NAV3: variants seen among roughly 807,000 people sequenced by gnomAD.
NAV3 encodes the protein neuron navigator 3.
A neutral mutation model predicts 244.7 loss-of-function variants in NAV3; 87 were observed. The observed-to-expected ratio is 0.36, with a 90% confidence interval of 0.30 to 0.42. The LOEUF (loss-of-function observed/expected upper bound fraction) is 0.42, where lower values mean the gene tolerates loss of function less well. Among genes scored for constraint, NAV3 ranks in the 20% least tolerant of loss-of-function variants. NAV3 has a pLI of 1.00. For missense variants in NAV3, 2,663 were observed against 2,893.3 expected (o/e 0.92, Z 1.83); for synonymous variants, 1,126 against 1,042.2 (o/e 1.08, Z -1.55).
At chr12:78,048,317 CT>C (rs1221291411) in intron 9 of NAV3, among the ~76,000 whole-genome samples, 1 of 152,144 alleles carries the variant, frequency 6.6e-6, no homozygotes, top group Non-Finnish European at 1.5e-5. Flanking sequence ...AATTTTCAGC[CT>C]TTTTGCACTG....
intron 30 of NAV3, 45 bp downstream of exon 30, chr12:78,181,090 G>C (rs755296909): frequency 1.8e-5 from 28 of 1,569,144 alleles, no homozygotes; most frequent in Middle Eastern, 3.4e-4. Context: ...ATACCCATGA[G>C]TTAACGGGTG....
chr12:77,676,854 G>A (rs1306545875), intron 2 of NAV3, among the ~76,000 whole-genome samples: 1 of 152,134 alleles, frequency 6.6e-6, no homozygotes, highest in African/African-American at 2.4e-5. Flanking sequence ...CTATTTATGA[G>A]GGAAAGTTAA....
rs1325858291 is a variant in NAV3 at position 78,116,802 on chromosome 12, T to C, written c.2667T>C (p.Gly889=). The C allele has an allele frequency of 6.2e-7, 1 of 1,605,958 alleles. No individual in the cohort carries two copies. Among genetic ancestry groups the C allele is most frequent in the Admixed American group, 1.7e-5 (1 of 59,650 alleles). ...ATGACAGCAGTTCAGTGAGCAGTGG[T>C]CTCAGTGACACCCTTGATAACATCA... ...SWDDSSSVSS[G]LSDTLDNIST... Residue 889 remains glycine, a synonymous_variant, in exon 13 of 40, where the codon GGT becomes GGC. Coordinates refer to ENST00000397909, the MANE Select transcript of NAV3 (RefSeq NM_001024383.2).
At chr12:78,152,078 C>T (rs1014067609) in intron 22 of NAV3, among the ~76,000 whole-genome samples, 2 of 151,450 alleles carry the variant, frequency 1.3e-5, no homozygotes, top group African/African-American at 4.8e-5. Flanking sequence ...GAGTTTCAAC[C>T]TTAATCCTCT....
rs148521910 is a variant in NAV3 at position 77,886,768 on chromosome 12, G to A, written c.244-53551G>A. ...TTTTCTTACATAAATATCTAGAACAGTGCCTATCAATAAATAATCATTGAG... is the reference window on the plus strand; with the variant it reads ...TTTTCTTACATAAATATCTAGAACAATGCCTATCAATAAATAATCATTGAG... On this transcript the variant is annotated intron_variant, in intron 1 of 39. Coordinates refer to ENST00000397909, the MANE Select transcript of NAV3 (RefSeq NM_001024383.2). 3.2e-3 allele frequency among the ~76,000 whole-genome samples: 489 copies of A among 152,132 alleles called. 3 individuals carry two copies. Among genetic ancestry groups the A allele is most frequent in the African/African-American group, 0.011 (470 of 41,516 alleles).
chr12:77,739,523 C>T (rs1179287182), intron 2 of NAV3, among the ~76,000 whole-genome samples: 1 of 152,042 alleles, frequency 6.6e-6, no homozygotes, highest in African/African-American at 2.4e-5. Context: ...CATTCATTGA[C>T]TCTGACTGAA....
intron 2 of NAV3, among the ~76,000 whole-genome samples, chr12:77,736,897 G>A (rs1877358844): frequency 6.6e-6 from 1 of 152,148 alleles, no homozygotes; most frequent in Non-Finnish European, 1.5e-5. Context: ...GTGGAGAATG[G>A]ATTTCAGAAC....
intron 9 of NAV3, among the ~76,000 whole-genome samples, chr12:78,024,357 C>T (rs1180941507): frequency 6.6e-6 from 1 of 152,164 alleles, no homozygotes; most frequent in East Asian, 1.9e-4. Context: ...ACATATATGA[C>T]CTCCAACCTC....
At chr12:77,996,163 G>A (rs538278348) in intron 6 of NAV3, among the ~76,000 whole-genome samples, 45 of 152,288 alleles carry the variant, frequency 3.0e-4, no homozygotes, top group African/African-American at 1.0e-3. Context: ...CAAGTTTTGT[G>A]ATAAAATTTG....
chr12:77,698,278 C>T (rs184157943), intron 2 of NAV3, among the ~76,000 whole-genome samples: 7 of 152,164 alleles, frequency 4.6e-5, no homozygotes, highest in African/African-American at 1.7e-4. Flanking sequence ...CTTTGGGAGG[C>T]CCAGTTGAGT....
chr12:78,059,027 A>T lies in NAV3; in HGVS notation c.2548A>T (p.Thr850Ser), dbSNP rs1169895826. The change falls in exon 12 of 40, where the codon ACT becomes TCT. Residue 850 changes from threonine to serine, a missense_variant. Physicochemically the swap from Thr to Ser is moderately conservative, Grantham distance 58. Around this residue, in one of 6 missense-constraint regions of NAV3, gnomAD observed 1,521 missense variants for 1,497.0 expected, o/e 1.02. Coordinates refer to ENST00000397909, the MANE Select transcript of NAV3 (RefSeq NM_001024383.2). ...YMTDGGLNLY[T>S]RSLNRIPDTA... is the part of the protein sequence containing the mutation. ...GACAGATGGAGGACTTAACCTATATACTAGAAGTCTGAACCGAATACCAGA... is the reference window on the plus strand; with the variant it reads ...GACAGATGGAGGACTTAACCTATATTCTAGAAGTCTGAACCGAATACCAGA... The T allele has an allele frequency of 6.2e-7, 1 of 1,609,864 alleles. No homozygotes were observed. Among genetic ancestry groups the T allele is most frequent in the East Asian group, 2.2e-5 (1 of 44,572 alleles).
intron 3 of NAV3, among the ~76,000 whole-genome samples, chr12:77,953,684 A>C (rs1189302826): frequency 6.6e-6 from 1 of 152,150 alleles, no homozygotes; most frequent in Non-Finnish European, 1.5e-5. Context: ...GTTCCTTTGC[A>C]ATGACACAGG....
intron 2 of NAV3, among the ~76,000 whole-genome samples, chr12:77,637,349 A>G (rs1872203906): frequency 6.6e-6 from 1 of 152,164 alleles, no homozygotes; most frequent in Admixed American, 6.5e-5. Flanking sequence ...TTATAGTATT[A>G]GGGGAAAATA....
chr12:77,731,371 C>T (rs1481756960), intron 2 of NAV3, among the ~76,000 whole-genome samples: 9 of 151,930 alleles, frequency 5.9e-5, no homozygotes, highest in Admixed American at 5.3e-4. Flanking sequence ...GAAAATTGTG[C>T]AGTTTTCTTG....
Position 77,647,877 on chromosome 12 carries a change from G to A in NAV3, c.72+75611G>A, listed in dbSNP as rs79178420. Among the ~76,000 whole-genome samples, 355 of 152,092 alleles carry A rather than the reference G, an allele frequency of 2.3e-3. 10 individuals are homozygous for A. In the East Asian group the frequency reaches 0.055, roughly 24 times the overall value. ...CCTATAACATATAAAATAAAAATGTGGTTTTCTGTACTTTAATTTGCAGTG... is the reference window on the plus strand; with the variant it reads ...CCTATAACATATAAAATAAAAATGTAGTTTTCTGTACTTTAATTTGCAGTG... On this transcript the variant is annotated intron_variant, in intron 2 of 8. Coordinates refer to the NAV3 transcript ENST00000550042.
intron 5 of NAV3, among the ~76,000 whole-genome samples, chr12:77,994,134 A>G (rs950608920): frequency 1.4e-4 from 21 of 152,258 alleles, no homozygotes; most frequent in African/African-American, 5.1e-4. Flanking sequence ...ATGTAATTCA[A>G]GAATGCCCAG....
intron 9 of NAV3, among the ~76,000 whole-genome samples, chr12:78,033,809 A>C (rs1450340820): frequency 6.6e-6 from 1 of 152,216 alleles, no homozygotes; most frequent in Non-Finnish European, 1.5e-5. Context: ...TCATTGAATC[A>C]GGAAGAACCA....
At chr12:78,159,380 C>T (rs1957431462) in intron 23 of NAV3, 94 bp downstream of exon 23, 1 of 1,145,036 alleles carries the variant, frequency 8.7e-7, no homozygotes, top group Non-Finnish European at 1.3e-6. Context: ...AATAATATTC[C>T]AGGCTGAGTG....
intron 8 of NAV3, among the ~76,000 whole-genome samples, chr12:78,007,915 T>C (rs910466597): frequency 6.6e-6 from 1 of 152,198 alleles, no homozygotes; most frequent in African/African-American, 2.4e-5. Flanking sequence ...TCATTCCTAG[T>C]TCTGCCACTT....
Sources: gnomAD v4.1 joint callset for allele counts (sites outside exome capture counted in the v4.1 genomes callset) on GRCh38, gnomAD v4.1.1 for gene constraint, gnomAD v4.1.1 regional missense constraint, MANE v1.5 for transcripts, NCBI Gene and HGNC (gene_info 2026-07-23, HGNC 2026-07-21) for gene names.